The following ZCWPW2 variants were observed in gnomAD, a reference collection of about 807,000 sequenced individuals.
ZCWPW2 encodes zinc finger CW-type and PWWP domain containing 2, also known as zinc finger CW-type PWWP domain protein 2.
Under a neutral mutation model 46.6 loss-of-function variants are expected in ZCWPW2, and 45 were observed. That is an observed-to-expected ratio of 0.96 (90% CI 0.76 to 1.24). The LOEUF (loss-of-function observed/expected upper bound fraction) is 1.24. Among genes scored for constraint, ZCWPW2 ranks in the 50% most tolerant of loss-of-function variants. The pLI is 0.00. For synonymous variants in ZCWPW2, 152 were observed against 137.1 expected (o/e 1.11, Z -0.76); for missense variants, 429 against 403.9 (o/e 1.06, Z -0.53).
At chr3:28,428,310 G>T (rs957102888) in intron 3 of ZCWPW2, 1 of 152,174 alleles carries the variant, frequency 6.6e-6, no homozygotes, top group East Asian at 1.9e-4. Flanking sequence ...GAAACAATGT[G>T]TAATGCTCTA....
At chr3:28,379,614 AT>A (rs1008033587) in intron 1 of ZCWPW2, among the ~76,000 whole-genome samples, 190 of 149,998 alleles carry the variant, frequency 1.3e-3, no homozygotes, top group African/African-American at 3.5e-3. Flanking sequence ...TTTCCAAAAC[AT>A]TTTTTTTTTA....
intron 2 of ZCWPW2, among the ~76,000 whole-genome samples, chr3:28,408,663 A>G (rs1466632620): frequency 6.6e-6 from 1 of 152,228 alleles, no homozygotes; most frequent in Non-Finnish European, 1.5e-5. Context: ...ACCAGCTTAC[A>G]TATGGTCTTA....
At chr3:28,405,725 C>T (rs747931750) in intron 2 of ZCWPW2, among the ~76,000 whole-genome samples, 8 of 152,132 alleles carry the variant, frequency 5.3e-5, no homozygotes, top group Non-Finnish European at 8.8e-5. Context: ...CTGCCTGCCT[C>T]AGCCTCCCAA....
chr3:28,377,564 T>C (rs1705542993), intron 1 of ZCWPW2, among the ~76,000 whole-genome samples: 1 of 152,056 alleles, frequency 6.6e-6, no homozygotes, highest in South Asian at 2.1e-4. Context: ...ATTTTACCTT[T>C]AAATAAATCA....
intron 4 of ZCWPW2, among the ~76,000 whole-genome samples, chr3:28,475,659 T>C (rs971409395): frequency 5.9e-5 from 9 of 152,170 alleles, no homozygotes; most frequent in Non-Finnish European, 1.3e-4. Context: ...TAGACTCAGC[T>C]ACACTGGATT....
chr3:28,392,871 A>G (rs1242304555), intron 2 of ZCWPW2, among the ~76,000 whole-genome samples: 2 of 152,074 alleles, frequency 1.3e-5, no homozygotes, highest in Non-Finnish European at 2.9e-5. Flanking sequence ...AAGAGTTTAA[A>G]TAAAGTTTAC....
chr3:28,521,151 A>T (rs1002856435), intron 9 of ZCWPW2, 35 bp downstream of exon 9: 6 of 1,567,362 alleles, frequency 3.8e-6, no homozygotes, highest in Middle Eastern at 1.7e-4. Context: ...CCTAAATAAC[A>T]ACTTCAAATT....
chr3:28,435,766 G>T (rs977464468), intron 4 of ZCWPW2, among the ~76,000 whole-genome samples: 1 of 152,052 alleles, frequency 6.6e-6, no homozygotes, highest in Non-Finnish European at 1.5e-5. Flanking sequence ...GATTACAGGC[G>T]TGAGCCACTG....
chr3:28,521,458 G>A (rs1700721378), intron 9 of ZCWPW2, among the ~76,000 whole-genome samples: 1 of 152,100 alleles, frequency 6.6e-6, no homozygotes, highest in Non-Finnish European at 1.5e-5. Context: ...CAGGAGAGGG[G>A]GCCAGGATAC....
chr3:28,435,297 T>G, intron 4 of ZCWPW2, 28 bp downstream of exon 4: 1 of 1,568,714 alleles, frequency 6.4e-7, no homozygotes, highest in Non-Finnish European at 8.6e-7. Flanking sequence ...AAAACTTTAT[T>G]CTTCTTGCAC....
rs144492627 is a variant in ZCWPW2, at chr3:28,444,370, A to G, written c.492+9101A>G. 2.5e-3 allele frequency among the ~76,000 whole-genome samples: 388 copies of G among 152,260 alleles called. 1 individual carries two copies. The highest frequency in any genetic ancestry group is 8.5e-3 in the African/African-American group (352 of 41,562). ...CAACATTATTTTCCCTGGCAGCTGC[A>G]TCAGGGGAGGCCATCACTGTTGTCT... On this transcript the variant is annotated intron_variant, in intron 4 of 9. Transcript: ENST00000383768.
At chr3:28,358,208 A>G (rs1321303033) in intron 1 of ZCWPW2, among the ~76,000 whole-genome samples, 2 of 152,118 alleles carry the variant, frequency 1.3e-5, no homozygotes, top group Admixed American at 6.6e-5. Context: ...TTTCAAAGTG[A>G]TCTTTAAAAA....
At chr3:28,385,551 G>A (rs1695239594) in intron 1 of ZCWPW2, among the ~76,000 whole-genome samples, 1 of 152,198 alleles carries the variant, frequency 6.6e-6, no homozygotes, top group South Asian at 2.1e-4. Context: ...TGCAAGATAA[G>A]AGTAGGATTG....
chr3:28,372,472 T>A lies in ZCWPW2; in HGVS notation c.-133-18026T>A, dbSNP rs574512418. Among the ~76,000 whole-genome samples, 204 of 152,250 alleles carry A rather than the reference T, an allele frequency of 1.3e-3. 1 individual carries two copies. The highest frequency in any genetic ancestry group is 6.8e-3 in the Middle Eastern group (2 of 294). ...AATAACTTTTTAAAAATAACTTTTT[T>A]TCTTCAATTAGAAAGGTTTAAAAAG... On this transcript the variant is annotated intron_variant, in intron 1 of 9. Coordinates refer to ENST00000383768, the MANE Select transcript of ZCWPW2 (RefSeq NM_001040432.4).
chr3:28,515,479 T>A, intron 7 of ZCWPW2, 75 bp from the exon 8 acceptor site: 2 of 1,104,098 alleles, frequency 1.8e-6, no homozygotes, highest in South Asian at 1.4e-5. Flanking sequence ...CAGTTACCAA[T>A]GAATAGGCAC....
intron 4 of ZCWPW2, among the ~76,000 whole-genome samples, chr3:28,439,247 A>G (rs1251855721): frequency 2.0e-5 from 3 of 151,088 alleles, no homozygotes; most frequent in Non-Finnish European, 4.4e-5. Context: ...TTGAGGAGCA[A>G]AGAGAACCAG....
At chr3:28,501,259 C>T (rs1700134627) in intron 6 of ZCWPW2, among the ~76,000 whole-genome samples, 1 of 152,118 alleles carries the variant, frequency 6.6e-6, no homozygotes, top group Non-Finnish European at 1.5e-5. Flanking sequence ...TGGTTAACAT[C>T]AGGTTACTTC....
intron 4 of ZCWPW2, among the ~76,000 whole-genome samples, chr3:28,471,241 T>C (rs1189092147): frequency 6.6e-6 from 1 of 152,118 alleles, no homozygotes; most frequent in African/African-American, 2.4e-5. Context: ...GGGAATACTT[T>C]CAAACTCATT....
At chr3:28,406,134 A>G (rs777024827) in intron 2 of ZCWPW2, among the ~76,000 whole-genome samples, 13 of 152,228 alleles carry the variant, frequency 8.5e-5, no homozygotes, top group Non-Finnish European at 1.5e-4. Flanking sequence ...TGCTAATAGT[A>G]AAGTATAAGA....
Sources: allele counts gnomAD v4.1 joint callset (sites outside exome capture counted in the v4.1 genomes callset), GRCh38; gene constraint gnomAD v4.1.1; transcripts MANE v1.5; gene names NCBI Gene and HGNC (gene_info 2026-07-23, HGNC 2026-07-21).